RBFOX1: variants seen among roughly 807,000 people sequenced by gnomAD.
The protein encoded by RBFOX1 is RNA binding protein fox-1 homolog 1.
In RBFOX1, 8 loss-of-function variants were observed where a neutral mutation model predicts 57.7. The observed-to-expected ratio is 0.14, with a 90% CI of 0.08 to 0.25. RBFOX1 has a LOEUF of 0.25. Ranked by LOEUF, RBFOX1 falls within the 10% of genes least tolerant of loss-of-function variation. The probability of loss-of-function intolerance (pLI) is 1.00; values close to 1 mark genes in which losing one functional copy is unlikely to be tolerated. For synonymous variants in RBFOX1, 326 were observed against 222.4 expected (o/e 1.47, Z -4.15); for missense variants, 611 against 548.5 (o/e 1.11, Z -1.14).
chr16:7,396,305 G>A (rs563101331), intron 4 of RBFOX1, among the ~76,000 whole-genome samples: 10 of 152,200 alleles, frequency 6.6e-5, no homozygotes, highest in African/African-American at 2.4e-4. Context: ...ACAAACTGTG[G>A]CCCCTGAGCA....
At chr16:6,746,129 A>C (rs2073560645) in intron 3 of RBFOX1, among the ~76,000 whole-genome samples, 1 of 152,148 alleles carries the variant, frequency 6.6e-6, no homozygotes, top group Non-Finnish European at 1.5e-5. Flanking sequence ...AAGAGACTTA[A>C]ATATGTGAGC....
chr16:7,186,991 CCA>C (rs1174221075), intron 4 of RBFOX1, among the ~76,000 whole-genome samples: 4 of 99,984 alleles, frequency 4.0e-5, no homozygotes, highest in Admixed American at 2.9e-4. Flanking sequence ...AACCCCACCT[CCA>C]CAAAAAAAAA....
At chr16:7,014,094 T>C (rs2093783988) in intron 3 of RBFOX1, among the ~76,000 whole-genome samples, 1 of 152,234 alleles carries the variant, frequency 6.6e-6, no homozygotes, top group Non-Finnish European at 1.5e-5. Context: ...GTCATTGGAA[T>C]GGCCGATTTA....
intron 4 of RBFOX1, among the ~76,000 whole-genome samples, chr16:5,991,302 C>G (rs554422466): frequency 1.3e-5 from 2 of 152,306 alleles, no homozygotes; most frequent in East Asian, 1.9e-4. Context: ...TAATATACGT[C>G]TCCCAGGTCT....
chr16:5,423,625 C>G (rs549445161), intron 1 of RBFOX1, among the ~76,000 whole-genome samples: 5 of 152,280 alleles, frequency 3.3e-5, no homozygotes, highest in Middle Eastern at 3.4e-3. Flanking sequence ...GCAGGGGCGG[C>G]CCATCCTGCC....
intron 3 of RBFOX1, among the ~76,000 whole-genome samples, chr16:6,890,783 G>A (rs557663041): frequency 2.1e-4 from 32 of 152,200 alleles, no homozygotes; most frequent in African/African-American, 5.8e-4. Flanking sequence ...TTTAACCTAC[G>A]TACCCACTCT....
intron 10 of RBFOX1, among the ~76,000 whole-genome samples, chr16:7,622,652 C>G (rs1225636748): frequency 6.6e-6 from 1 of 151,780 alleles, no homozygotes; most frequent in Non-Finnish European, 1.5e-5. Context: ...AAAACCAAAG[C>G]TTATGAAAAT....
At chr16:6,746,044 C>A (rs2073536303) in intron 3 of RBFOX1, among the ~76,000 whole-genome samples, 2 of 152,200 alleles carry the variant, frequency 1.3e-5, no homozygotes, top group Middle Eastern at 3.4e-3. Context: ...CAGTGAAATA[C>A]TTAGAGGAAC....
intron 1 of RBFOX1, among the ~76,000 whole-genome samples, chr16:5,395,226 C>T (rs894015001): frequency 6.6e-6 from 1 of 152,220 alleles, no homozygotes; most frequent in Admixed American, 6.5e-5. Context: ...ATCTCTTCTC[C>T]ATCTCACTAA....
chr16:7,009,547 G>A (rs919308370), intron 3 of RBFOX1, among the ~76,000 whole-genome samples: 14 of 152,062 alleles, frequency 9.2e-5, no homozygotes, highest in Non-Finnish European at 1.0e-4. Context: ...GGGATGATGC[G>A]ATCAATGATA....
chr16:6,025,715 G>T (rs2095178426), intron 1 of RBFOX1, among the ~76,000 whole-genome samples: 1 of 152,190 alleles, frequency 6.6e-6, no homozygotes, highest in African/African-American at 2.4e-5. Context: ...ACAGTGCAAA[G>T]TGGGTTGCTT....
intron 3 of RBFOX1, among the ~76,000 whole-genome samples, chr16:6,862,989 A>G (rs2059283635): frequency 6.6e-6 from 1 of 151,912 alleles, no homozygotes; most frequent in Non-Finnish European, 1.5e-5. Context: ...TGTCTAAAAA[A>G]AAAAAAAGGA....
chr16:7,327,568 G>C (rs1447569150), intron 4 of RBFOX1, among the ~76,000 whole-genome samples: 1 of 152,174 alleles, frequency 6.6e-6, no homozygotes, highest in African/African-American at 2.4e-5. Context: ...TATGCATTTT[G>C]TTTTGTTCTG....
At chr16:6,698,956 A>T (rs963059946) in intron 3 of RBFOX1, among the ~76,000 whole-genome samples, 5 of 152,172 alleles carry the variant, frequency 3.3e-5, no homozygotes, top group African/African-American at 1.2e-4. Flanking sequence ...ACTCTAGAAC[A>T]AGGGGTGATG....
chr16:5,965,788 G>A (rs1416826072), intron 4 of RBFOX1, among the ~76,000 whole-genome samples: 1 of 152,180 alleles, frequency 6.6e-6, no homozygotes, highest in South Asian at 2.1e-4. Flanking sequence ...TGTGGTGGGT[G>A]TGGGGACCAG....
At chr16:5,472,869 A>C (rs73528635) in intron 2 of RBFOX1, among the ~76,000 whole-genome samples, 5,202 of 152,288 alleles carry the variant, frequency 0.034, 239 homozygotes, top group East Asian at 0.23. Flanking sequence ...AGGGTGTCTG[A>C]CTTCCAGAGG....
At chr16:7,614,921 G>C (rs185874257) in intron 10 of RBFOX1, 3 of 152,180 alleles carry the variant, frequency 2.0e-5, no homozygotes, top group Non-Finnish European at 4.4e-5. Flanking sequence ...ATTATATAAA[G>C]GTCTTTTTTC....
intron 2 of RBFOX1, among the ~76,000 whole-genome samples, chr16:6,317,929 T>G (rs2081307453): frequency 6.6e-6 from 1 of 152,206 alleles, no homozygotes; most frequent in Non-Finnish European, 1.5e-5. Context: ...TCTTAGCAGG[T>G]TCTACTTCTG....
chr16:7,339,768 T>C (rs1052149435), intron 4 of RBFOX1, among the ~76,000 whole-genome samples: 7 of 152,188 alleles, frequency 4.6e-5, no homozygotes, highest in Non-Finnish European at 8.8e-5. Flanking sequence ...AATTCTTTTG[T>C]CTGCGATGAA....
Sources: gnomAD v4.1 joint callset for allele counts (sites outside exome capture counted in the v4.1 genomes callset) on GRCh38, gnomAD v4.1.1 for gene constraint, MANE v1.5 for transcripts, NCBI Gene and HGNC (gene_info 2026-07-23, HGNC 2026-07-21) for gene names.